Variants in TG observed in about 807,000 individuals in gnomAD.
TG encodes thyroid hormones.
TG carries 270 observed loss-of-function variants against 324.7 expected under a neutral mutation model. The ratio of observed to expected loss-of-function variants is 0.83; its 90% CI spans 0.75 to 0.92. TG has a LOEUF of 0.92. Ranked by LOEUF, TG falls within the 40% of genes least tolerant of loss-of-function variation. TG has a pLI of 0.00. For missense variants in TG, 3,591 were observed against 3,456.4 expected, an observed-to-expected ratio of 1.04 and a Z score of -0.98; for synonymous variants, 1,401 against 1,327.0, an observed-to-expected ratio of 1.06 and a Z score of -1.21.
intron 43 of TG, among the ~76,000 whole-genome samples, chr8:133,107,401 A>C (rs899446256): frequency 1.3e-5 from 2 of 152,190 alleles, no homozygotes; most frequent in Non-Finnish European, 2.9e-5. Context: ...TGGCCAGTTC[A>C]TGACAGCCCT....
intron 5 of TG, among the ~76,000 whole-genome samples, chr8:132,879,324 T>C (rs1264369353): frequency 3.3e-5 from 5 of 152,174 alleles, no homozygotes; most frequent in Non-Finnish European, 7.3e-5. Flanking sequence ...CCTGCTGTTG[T>C]TGAACGAGCA....
intron 40 of TG, among the ~76,000 whole-genome samples, chr8:133,028,250 G>A (rs1439419644): frequency 6.6e-6 from 1 of 152,218 alleles, no homozygotes; most frequent in East Asian, 1.9e-4. Context: ...TGGGTTACCT[G>A]AGACCTTGGA....
At chr8:133,006,649 G>A (rs1834040490) in intron 35 of TG, among the ~76,000 whole-genome samples, 1 of 152,196 alleles carries the variant, frequency 6.6e-6, no homozygotes, top group South Asian at 2.1e-4. Flanking sequence ...CTACTGCCTC[G>A]TGGAGGCATA....
chr8:132,897,529 C>CAAAT, intron 11 of TG, 120 bp from the exon 12 acceptor site: 3 of 1,392,724 alleles, frequency 2.2e-6, no homozygotes, highest in East Asian at 2.3e-5. Flanking sequence ...AAATGTTTGT[C>CAAAT]AAATAAATAA....
At chr8:132,960,004 A>T (rs750422601) in intron 27 of TG, among the ~76,000 whole-genome samples, 1 of 152,186 alleles carries the variant, frequency 6.6e-6, no homozygotes, top group Non-Finnish European at 1.5e-5. Flanking sequence ...TCTCCCTTAG[A>T]CACTGCTGCT....
At chr8:133,076,038 G>C (rs1013803200) in intron 41 of TG, 1 of 152,086 alleles carries the variant, frequency 6.6e-6, no homozygotes, top group African/African-American at 2.4e-5. Flanking sequence ...GAGAAACTCA[G>C]GCACATGGGG....
At chr8:133,040,943 T>C (rs1332111948) in intron 41 of TG, among the ~76,000 whole-genome samples, 5 of 152,244 alleles carry the variant, frequency 3.3e-5, no homozygotes, top group African/African-American at 1.2e-4. Flanking sequence ...AAAATCTCTG[T>C]ATAAAATGTC....
Position 132,888,539 on chromosome 8 carries a change from T to C in TG, c.2732T>C (p.Met911Thr), listed in dbSNP as rs778661544. ...VDEAGQELEG[M>T]RSEPSKLPTC... ...GAGGCTGGCCAAGAACTGGAAGGAA[T>C]GCGGTCTGAGCCAAGCAAGCTCCCA... Residue 911 changes from methionine to threonine, a missense_variant, in exon 10 of 48, where the codon ATG becomes ACG. By Grantham distance (81) the Met-to-Thr change is moderately conservative. Transcript: ENST00000220616. 1.2e-6 allele frequency: 2 copies of C among 1,611,892 alleles called. No individual in the cohort carries two copies. Among genetic ancestry groups the C allele is most frequent in the Non-Finnish European group, 1.7e-6 (2 of 1,179,476 alleles).
intron 27 of TG, 132 bp downstream of exon 27, chr8:132,949,075 C>T: frequency 2.4e-6 from 2 of 825,084 alleles, no homozygotes; most frequent in East Asian, 2.6e-5. Flanking sequence ...AAAAACTTTA[C>T]CAATCATACT....
chr8:132,971,947 T>C, intron 33 of TG, 74 bp downstream of exon 33: 2 of 1,080,018 alleles, frequency 1.9e-6, no homozygotes, highest in Non-Finnish European at 2.9e-6. Context: ...ACATCTATGC[T>C]TTTACAAATC....
chr8:133,075,024 A>G, intron 41 of TG: 1 of 985,456 alleles, frequency 1.0e-6, no homozygotes, highest in Non-Finnish European at 1.2e-6. Context: ...GCAGTTGCTA[A>G]ACTGGCCGCA....
At chr8:133,015,081 C>T (rs1834899985) in intron 37 of TG, among the ~76,000 whole-genome samples, 1 of 152,166 alleles carries the variant, frequency 6.6e-6, no homozygotes, top group Non-Finnish European at 1.5e-5. Context: ...CCATGCTGGC[C>T]AGGCTGGTCT....
At chr8:133,084,460 G>A (rs968247002) in intron 41 of TG, among the ~76,000 whole-genome samples, 1 of 152,192 alleles carries the variant, frequency 6.6e-6, no homozygotes, top group African/African-American at 2.4e-5. Flanking sequence ...AAATAAGAGG[G>A]CAGCCATTGC....
At chr8:133,054,033 T>A (rs1587904741) in intron 41 of TG, among the ~76,000 whole-genome samples, 1 of 152,164 alleles carries the variant, frequency 6.6e-6, no homozygotes, top group Non-Finnish European at 1.5e-5. Flanking sequence ...TGGGGCAGGG[T>A]GGCCATTTTA....
At chr8:133,111,819 C>T (rs904133663) in intron 43 of TG, among the ~76,000 whole-genome samples, 2 of 152,238 alleles carry the variant, frequency 1.3e-5, no homozygotes. Flanking sequence ...CATATTTGCT[C>T]CAGACTTTTT....
chr8:133,052,963 A>G (rs1313386233), intron 41 of TG, among the ~76,000 whole-genome samples: 5 of 152,016 alleles, frequency 3.3e-5, no homozygotes, highest in Non-Finnish European at 7.4e-5. Context: ...ATCTTCCTGG[A>G]CTAATGGCCC....
intron 27 of TG, among the ~76,000 whole-genome samples, chr8:132,960,509 G>A (rs1827581708): frequency 6.6e-6 from 1 of 152,218 alleles, no homozygotes; most frequent in Non-Finnish European, 1.5e-5. Context: ...AGGAAAATCG[G>A]ATAATATTAT....
At chr8:132,918,266 C>T (rs183829057) in intron 20 of TG, among the ~76,000 whole-genome samples, 25 of 152,264 alleles carry the variant, frequency 1.6e-4, no homozygotes, top group Middle Eastern at 3.4e-3. Flanking sequence ...GTTGCCCGCA[C>T]CTAGGCTTTT....
At position 132,886,759 on chromosome 8, in the gene TG, A is replaced by G; in HGVS notation, c.1387A>G (p.Asn463Asp). 1 of 1,614,148 alleles carries G rather than the reference A, an allele frequency of 6.2e-7. No individual in the cohort carries two copies. The highest frequency in any genetic ancestry group is 1.1e-5 in the South Asian group (1 of 91,070). The change falls in exon 9 of 48, where the codon AAC (asparagine) becomes GAC (aspartate). Residue 463 changes from asparagine (N) to aspartate (D), a missense_variant. Asn to Asp is a conservative substitution (Grantham distance 23). Coordinates refer to ENST00000220616, the MANE Select transcript of TG (RefSeq NM_003235.5). ...LARLALQFTT[N>D]PKRLQQNLFG... ...TCGTCTTGCCCTTCAGTTTACCACC[A>G]ACCCAAAGAGACTCCAGCAAAACCT...
Sources: gnomAD v4.1 joint callset for allele counts (sites outside exome capture counted in the v4.1 genomes callset) on GRCh38, gnomAD v4.1.1 for gene constraint, MANE v1.5 for transcripts, NCBI Gene and HGNC (gene_info 2026-07-23, HGNC 2026-07-21) for gene names.